Variants in RNF114 observed in about 807,000 individuals in gnomAD.
RNF114 encodes the protein E3 ubiquitin-protein ligase RNF114.
Under a neutral mutation model 28.4 loss-of-function variants are expected in RNF114, and 6 were observed. The ratio of observed to expected loss-of-function variants is 0.21; its 90% CI spans 0.12 to 0.42. The LOEUF is 0.42. Ranked by LOEUF, RNF114 falls within the 10% of genes least tolerant of loss-of-function variation. The probability of loss-of-function intolerance (pLI) is 1.00; values close to 1 mark genes in which losing one functional copy is unlikely to be tolerated. For synonymous variants in RNF114, 115 were observed against 116.7 expected (o/e 0.99, Z 0.09); for missense variants, 249 against 311.7 (o/e 0.80, Z 1.51).
intron 2 of RNF114, among the ~76,000 whole-genome samples, chr20:49,942,625 C>T (rs2090312095): frequency 6.6e-6 from 1 of 152,068 alleles, no homozygotes; most frequent in African/African-American, 2.4e-5. Context: ...GAGTTCTAGA[C>T]CAGCCTGGAC....
At chr20:49,946,854 G>C (rs551370010) in intron 4 of RNF114, among the ~76,000 whole-genome samples, 1 of 151,924 alleles carries the variant, frequency 6.6e-6, no homozygotes, top group East Asian at 1.9e-4. Context: ...GAAATTATTA[G>C]GAAAAGGCTT....
At chr20:49,943,822 C>CTGTATA (rs1555857450) in intron 2 of RNF114, 2 of 118,326 alleles carry the variant, frequency 1.7e-5, no homozygotes, top group Non-Finnish European at 3.4e-5. Flanking sequence ...CCACGCCCAG[C>CTGTATA]TATATATATA....
intron 4 of RNF114, among the ~76,000 whole-genome samples, chr20:49,947,940 C>T (rs939104321): frequency 7.3e-5 from 11 of 151,302 alleles, no homozygotes; most frequent in Non-Finnish European, 1.3e-4. Flanking sequence ...TACAGGTGCG[C>T]GCCACCATGC....
intron 4 of RNF114, 107 bp from the exon 5 acceptor site, chr20:49,949,141 G>A (rs370192121): frequency 2.4e-6 from 2 of 849,246 alleles, no homozygotes; most frequent in Non-Finnish European, 4.0e-6. Context: ...GCCCTGGACA[G>A]TATGTCAGGA....
intron 5 of RNF114, among the ~76,000 whole-genome samples, chr20:49,949,888 C>G (rs1279211278): frequency 6.6e-6 from 1 of 151,640 alleles, no homozygotes; most frequent in Non-Finnish European, 1.5e-5. Flanking sequence ...CGTGATCTGC[C>G]CACCTTGGCC....
At chr20:49,944,269 A>C (rs891960934) in intron 2 of RNF114, 1 of 151,696 alleles carries the variant, frequency 6.6e-6, no homozygotes, top group Non-Finnish European at 1.5e-5. Context: ...CGAGTTTTGC[A>C]TGTTGCCCAT....
chr20:49,943,832 A>G (rs2090317296), intron 2 of RNF114: 1 of 113,788 alleles, frequency 8.8e-6, no homozygotes, highest in Non-Finnish European at 1.8e-5. Context: ...CTATATATAT[A>G]TACACACACA....
chr20:49,938,418 G>A (rs1057316722), intron 1 of RNF114, among the ~76,000 whole-genome samples: 2 of 152,160 alleles, frequency 1.3e-5, no homozygotes, highest in African/African-American at 4.8e-5. Flanking sequence ...CCAAATCCCC[G>A]CTAGCTCCAA....
At chr20:49,949,884 C>T (rs1194718670) in intron 5 of RNF114, among the ~76,000 whole-genome samples, 2 of 151,750 alleles carry the variant, frequency 1.3e-5, no homozygotes, top group Non-Finnish European at 2.9e-5. Flanking sequence ...ACCTCGTGAT[C>T]TGCCCACCTT....
intron 1 of RNF114, among the ~76,000 whole-genome samples, chr20:49,938,207 T>C (rs1340951123): frequency 1.3e-5 from 2 of 152,230 alleles, no homozygotes; most frequent in Non-Finnish European, 2.9e-5. Context: ...GTAAAAAGGC[T>C]AGACCCAGCA....
intron 4 of RNF114, among the ~76,000 whole-genome samples, chr20:49,947,480 TA>T (rs2090337494): frequency 2.0e-5 from 3 of 152,132 alleles, no homozygotes; most frequent in Non-Finnish European, 4.4e-5. Context: ...CTAGGGCAGC[TA>T]TCAATGCTCA....
rs1260340686 is a variant in RNF114 at position 49,953,605 on chromosome 20, A to G, written c.*1464A>G. On this transcript the variant is annotated 3_prime_UTR_variant, in exon 6 of 6. Transcript: ENST00000244061. ...CATTAGTATTTCTCGGGAGGACCCA[A>G]AAGTTAAGGTCAGCTTGTTCACTGT... The G allele has an allele frequency of 6.6e-6, 1 of 152,172 alleles. No individual in the cohort carries two copies. Among genetic ancestry groups the G allele is most frequent in the African/African-American group, 2.4e-5 (1 of 41,456 alleles). The allele number at this position is 152,172 out of a possible 1,614,324, so 9.4% of individuals were successfully genotyped here.
intron 1 of RNF114, among the ~76,000 whole-genome samples, chr20:49,937,541 A>G (rs1408224010): frequency 6.6e-6 from 1 of 152,170 alleles, no homozygotes; most frequent in East Asian, 1.9e-4. Context: ...CTCTTAGGGA[A>G]GGGTCACCGT....
At chr20:49,951,962 C>T (rs1227695573) in intron 5 of RNF114, 114 bp from the exon 6 acceptor site, 73 of 731,814 alleles carry the variant, frequency 1.0e-4, no homozygotes, top group East Asian at 6.0e-4. Flanking sequence ...ACTGGGGATC[C>T]GGTCCCTGGC....
At chr20:49,949,003 T>C (rs1207958441) in intron 4 of RNF114, among the ~76,000 whole-genome samples, 1 of 152,218 alleles carries the variant, frequency 6.6e-6, no homozygotes, top group Non-Finnish European at 1.5e-5. Flanking sequence ...ACTTCTCTGC[T>C]TACAGTAGGG....
intron 2 of RNF114, 112 bp downstream of exon 2, chr20:49,941,823 C>G: frequency 9.4e-7 from 1 of 1,066,374 alleles, no homozygotes; most frequent in Non-Finnish European, 1.4e-6. Flanking sequence ...ACTAACAGCA[C>G]GCGTGCATGC....
chr20:49,946,254 A>G lies in RNF114; in HGVS notation c.513+4A>G. On this transcript the variant is annotated splice_donor_region_variant and intron_variant, in intron 4 of 5. Transcript: ENST00000244061. ...TAGCACGGATACCAAATCTGTGGTGAGTAACCTTTTTTTTTTTTTTTAAAC... is the reference window on the plus strand; with the variant it reads ...TAGCACGGATACCAAATCTGTGGTGGGTAACCTTTTTTTTTTTTTTTAAAC... 7.5e-7 allele frequency: 1 copy of G among 1,337,722 alleles called. No homozygotes were observed. The highest frequency in any genetic ancestry group is 1.0e-6 in the Non-Finnish European group (1 of 959,314). The allele number at this position is 1,337,722 out of a possible 1,614,324, so 82.9% of individuals were successfully genotyped here.
Position 49,952,424 on chromosome 20 carries a change from G to A in RNF114, c.*283G>A. ...TCCTGGAGCTTCTGCCGCCTCCTGTGGAAGATAATCTAGCTTCTCCACCTC... is the reference window on the plus strand; with the variant it reads ...TCCTGGAGCTTCTGCCGCCTCCTGTAGAAGATAATCTAGCTTCTCCACCTC... On this transcript the variant is annotated 3_prime_UTR_variant, in exon 6 of 6. Transcript: ENST00000244061. 2 of 523,486 alleles carry A rather than the reference G, an allele frequency of 3.8e-6. No homozygotes were observed. Among genetic ancestry groups the A allele is most frequent in the South Asian group, 3.1e-5 (1 of 32,208 alleles). The allele number at this position is 523,486 out of a possible 1,614,324, so 32.4% of individuals were successfully genotyped here. A position where few individuals can be genotyped will look rare whatever the true frequency, so the allele number is the denominator to read the frequency against.
intron 4 of RNF114, among the ~76,000 whole-genome samples, chr20:49,947,812 G>T (rs2090339824): frequency 2.1e-5 from 1 of 47,918 alleles, no homozygotes; most frequent in Admixed American, 3.2e-4. Context: ...TTTTTTTTGA[G>T]GCGGAGTTTC....
Sources: allele counts gnomAD v4.1 joint callset (sites outside exome capture counted in the v4.1 genomes callset), GRCh38; gene constraint gnomAD v4.1.1; transcripts MANE v1.5; gene names NCBI Gene and HGNC (gene_info 2026-07-23, HGNC 2026-07-21).